ZC3H12B: variants seen among roughly 807,000 people sequenced by gnomAD.
The protein encoded by ZC3H12B is zinc finger CCCH-type containing 12B, also known as probable ribonuclease ZC3H12B.
In ZC3H12B, 7 loss-of-function variants were observed where a neutral mutation model predicts 43.9. The observed-to-expected ratio is 0.16, with a 90% CI of 0.09 to 0.30. The LOEUF is 0.30. Among genes scored for constraint, ZC3H12B ranks in the 10% least tolerant of loss-of-function variants. The probability of loss-of-function intolerance (pLI) is 1.00; values close to 1 mark genes in which losing one functional copy is unlikely to be tolerated. For missense variants in ZC3H12B, 475 were observed against 670.2 expected (o/e 0.71, Z 3.22); for synonymous variants, 222 against 241.7 (o/e 0.92, Z 0.76).
the ZC3H12B span, among the ~76,000 whole-genome samples, chrX:65,115,554 C>A: frequency 9.0e-6 from 1 of 111,222 alleles, no homozygotes; most frequent in Admixed American, 9.6e-5. Context: ...GCCTTGTTTT[C>A]CTCTGGGTAG....
the ZC3H12B span, among the ~76,000 whole-genome samples, chrX:65,318,311 G>A: frequency 5.5e-5 from 6 of 109,661 alleles, no homozygotes; most frequent in Non-Finnish European, 1.1e-4. Context: ...TTTGCTGGCC[G>A]TTTGTATTTC....
the ZC3H12B span, among the ~76,000 whole-genome samples, chrX:65,242,818 TAAATC>T: frequency 8.9e-6 from 1 of 112,056 alleles, no homozygotes; most frequent in Non-Finnish European, 1.9e-5. Context: ...AACCCAGAAA[TAAATC>T]CACACATTTG....
chrX:65,240,993 G>T, the ZC3H12B span, among the ~76,000 whole-genome samples: 2 of 111,555 alleles, frequency 1.8e-5, no homozygotes, highest in Non-Finnish European at 3.8e-5. Context: ...GGTGTCTGGA[G>T]ACCCCTGTTG....
the ZC3H12B span, among the ~76,000 whole-genome samples, chrX:65,228,354 C>A: frequency 9.0e-6 from 1 of 111,467 alleles, no homozygotes; most frequent in Non-Finnish European, 1.9e-5. Flanking sequence ...TAAAAACTCT[C>A]AATAAATTAG....
At chrX:65,497,914 CTTTG>C (rs2068312928) in intron 2 of ZC3H12B, among the ~76,000 whole-genome samples, 1 of 111,271 alleles carries the variant, frequency 9.0e-6, no homozygotes, top group Admixed American at 9.6e-5. Context: ...TAATATTTAT[CTTTG>C]TTTGAGACAG....
At chrX:65,414,261 AT>A (rs376514092) in intron 3 of ZC3H12B, among the ~76,000 whole-genome samples, 8,992 of 104,704 alleles carry the variant, frequency 0.086, 1,025 homozygotes, top group African/African-American at 0.29. Context: ...CTCCTCTTCT[AT>A]TTTTTTTTTG....
chrX:65,246,100 C>T, the ZC3H12B span, among the ~76,000 whole-genome samples: 1 of 111,273 alleles, frequency 9.0e-6, no homozygotes, highest in East Asian at 2.8e-4. Context: ...AAATCACTAG[C>T]ATTCCTATAC....
At chrX:65,343,214 C>T in the ZC3H12B span, among the ~76,000 whole-genome samples, 3 of 111,056 alleles carry the variant, frequency 2.7e-5, no homozygotes, top group Admixed American at 1.9e-4. Context: ...AAGCCCAATA[C>T]CATACTGACT....
upstream of ZC3H12B, among the ~76,000 whole-genome samples, chrX:65,364,173 G>A (rs757486163): frequency 1.6e-3 from 174 of 110,713 alleles, no homozygotes; most frequent in African/African-American, 5.7e-3. Flanking sequence ...CTATCATTGA[G>A]GCTACCGCTC....
At chrX:65,318,174 C>A in the ZC3H12B span, among the ~76,000 whole-genome samples, 1 of 96,996 alleles carries the variant, frequency 1.0e-5, no homozygotes. Context: ...TGTATCCATG[C>A]CAACATGTAT....
At chrX:65,131,928 T>C in the ZC3H12B span, among the ~76,000 whole-genome samples, 180 of 111,251 alleles carry the variant, frequency 1.6e-3, no homozygotes, top group African/African-American at 5.5e-3. Context: ...GTCATCGATA[T>C]ATTGAATAAG....
the ZC3H12B span, among the ~76,000 whole-genome samples, chrX:65,353,342 C>A: frequency 2.7e-5 from 3 of 111,190 alleles, no homozygotes; most frequent in African/African-American, 9.8e-5. Context: ...CATCCCTATT[C>A]TCTGTGGCAA....
intron 3 of ZC3H12B, among the ~76,000 whole-genome samples, chrX:65,476,988 A>ATTTT (rs3065468): frequency 4.4e-5 from 4 of 90,738 alleles, no homozygotes; most frequent in African/African-American, 1.8e-4. Flanking sequence ...CTCCTGACTA[A>ATTTT]TTTTTTTTTT....
At chrX:65,260,525 T>C in the ZC3H12B span, among the ~76,000 whole-genome samples, 1 of 111,311 alleles carries the variant, frequency 9.0e-6, no homozygotes, top group African/African-American at 3.3e-5. Context: ...TTAAATGCAA[T>C]TTACCTATAT....
chrX:65,163,641 G>T, the ZC3H12B span, among the ~76,000 whole-genome samples: 1 of 111,758 alleles, frequency 8.9e-6, no homozygotes, highest in Non-Finnish European at 1.9e-5. Flanking sequence ...GTATTAGGGT[G>T]GGAGTGACCT....
chrX:65,083,474 C>T, the ZC3H12B span, among the ~76,000 whole-genome samples: 1 of 111,722 alleles, frequency 9.0e-6, no homozygotes, highest in Non-Finnish European at 1.9e-5. Context: ...AGTGAACAAT[C>T]TGAAAAAGAA....
the ZC3H12B span, among the ~76,000 whole-genome samples, chrX:65,171,770 A>G: frequency 9.0e-6 from 1 of 110,564 alleles, no homozygotes; most frequent in African/African-American, 3.3e-5. Flanking sequence ...TCTTGCTTCC[A>G]CCTTTCAGTT....
chrX:65,279,942 G>T, the ZC3H12B span, among the ~76,000 whole-genome samples: 1 of 111,834 alleles, frequency 8.9e-6, no homozygotes, highest in Non-Finnish European at 1.9e-5. Flanking sequence ...AAAAGAAATC[G>T]TATGGCTTAA....
chrX:65,181,586 G>A, the ZC3H12B span, among the ~76,000 whole-genome samples: 2 of 111,687 alleles, frequency 1.8e-5, no homozygotes, highest in African/African-American at 6.5e-5. Context: ...CAGAAAGTGG[G>A]CAAAGGATAT....
Sources: gnomAD v4.1 joint callset for allele counts (sites outside exome capture counted in the v4.1 genomes callset) on GRCh38, gnomAD v4.1.1 for gene constraint, MANE v1.5 for transcripts, NCBI Gene and HGNC (gene_info 2026-07-23, HGNC 2026-07-21) for gene names.